Variants in FNDC3A observed in about 807,000 individuals in gnomAD.
FNDC3A encodes fibronectin type-III domain-containing protein 3A.
In FNDC3A, 32 loss-of-function variants were observed where a neutral mutation model predicts 148.9. That is an observed-to-expected ratio of 0.21 (90% confidence interval 0.16 to 0.29). The LOEUF (loss-of-function observed/expected upper bound fraction) is 0.29, where lower values mean the gene tolerates loss of function less well. FNDC3A is among the 10% of genes least tolerant of loss of function. The pLI, the probability that FNDC3A is intolerant of heterozygous loss-of-function variation, is 1.00. For synonymous variants in FNDC3A, 472 were observed against 473.6 expected, an observed-to-expected ratio of 1.00 and a Z score of 0.04; for missense variants, 1,191 against 1,452.8, an observed-to-expected ratio of 0.82 and a Z score of 2.93.
At chr13:49,076,548 G>A (rs937425446) in intron 3 of FNDC3A, among the ~76,000 whole-genome samples, 4 of 151,850 alleles carry the variant, frequency 2.6e-5, no homozygotes, top group South Asian at 2.1e-4. Context: ...CCCAGCTCTC[G>A]GTGAGTACAT....
chr13:49,148,268 T>C (rs146764227), intron 8 of FNDC3A, among the ~76,000 whole-genome samples: 144 of 152,286 alleles, frequency 9.5e-4, no homozygotes, highest in African/African-American at 3.2e-3. Flanking sequence ...TTGGGGGTCT[T>C]AGCATAAAAT....
intron 2 of FNDC3A, among the ~76,000 whole-genome samples, chr13:49,049,285 C>A (rs1174362390): frequency 6.6e-6 from 1 of 151,990 alleles, no homozygotes; most frequent in East Asian, 1.9e-4. Context: ...TTGTTTCGTC[C>A]TTCCCTGGTT....
chr13:49,020,228 A>T (rs1045346763), intron 2 of FNDC3A, among the ~76,000 whole-genome samples: 3 of 152,206 alleles, frequency 2.0e-5, no homozygotes, highest in African/African-American at 7.2e-5. Context: ...TAGGGAAGGA[A>T]AATATTGTAA....
At chr13:49,027,266 A>AG (rs1873782814) in intron 2 of FNDC3A, among the ~76,000 whole-genome samples, 1 of 152,182 alleles carries the variant, frequency 6.6e-6, no homozygotes, top group African/African-American at 2.4e-5. Context: ...CCTTGGTTCT[A>AG]GGTAAGTAAT....
At chr13:49,029,940 CAAGT>C (rs1873986488) in intron 2 of FNDC3A, among the ~76,000 whole-genome samples, 3 of 151,990 alleles carry the variant, frequency 2.0e-5, no homozygotes, top group Admixed American at 2.0e-4. Flanking sequence ...ACACGTATAA[CAAGT>C]AAAGAGATTA....
At chr13:49,206,751 G>C (rs993930270) in intron 25 of FNDC3A, among the ~76,000 whole-genome samples, 2 of 152,142 alleles carry the variant, frequency 1.3e-5, no homozygotes, top group Admixed American at 1.3e-4. Flanking sequence ...TGATTGCATT[G>C]AAAAATGACT....
chr13:49,093,644 C>G (rs758871732), intron 3 of FNDC3A, among the ~76,000 whole-genome samples: 4 of 152,166 alleles, frequency 2.6e-5, no homozygotes, highest in Non-Finnish European at 4.4e-5. Flanking sequence ...TAACAGTTAC[C>G]TTACAGTGAC....
intron 4 of FNDC3A, among the ~76,000 whole-genome samples, chr13:49,116,450 C>T (rs576054615): frequency 2.0e-5 from 3 of 152,236 alleles, no homozygotes; most frequent in East Asian, 3.9e-4. Flanking sequence ...AGACTCATGC[C>T]GCTCTGTGGT....
At chr13:49,098,926 C>G (rs1486048523) in intron 3 of FNDC3A, among the ~76,000 whole-genome samples, 1 of 152,074 alleles carries the variant, frequency 6.6e-6, no homozygotes, top group Non-Finnish European at 1.5e-5. Context: ...CTGTAACTTC[C>G]TTATTCTGTT....
chr13:48,994,668 C>T (rs1951989930), intron 1 of FNDC3A, among the ~76,000 whole-genome samples: 2 of 152,050 alleles, frequency 1.3e-5, no homozygotes, highest in African/African-American at 2.4e-5. Context: ...ATCCCAGCTA[C>T]TCCGGAGGCT....
At chr13:49,029,055 C>G (rs1161219845) in intron 2 of FNDC3A, among the ~76,000 whole-genome samples, 1 of 152,092 alleles carries the variant, frequency 6.6e-6, no homozygotes, top group South Asian at 2.1e-4. Flanking sequence ...CCCACTGCAG[C>G]CTTTGCCTCC....
chr13:49,084,216 A>G (rs1878662123), intron 3 of FNDC3A, among the ~76,000 whole-genome samples: 1 of 152,198 alleles, frequency 6.6e-6, no homozygotes, highest in Admixed American at 6.5e-5. Context: ...ACTTAACTGA[A>G]GTGGAGTATT....
intron 20 of FNDC3A, among the ~76,000 whole-genome samples, chr13:49,197,407 C>T (rs1342688218): frequency 6.6e-6 from 1 of 150,818 alleles, no homozygotes; most frequent in Non-Finnish European, 1.5e-5. Context: ...TGAAATTTAA[C>T]AAAATGTGTG....
intron 1 of FNDC3A, among the ~76,000 whole-genome samples, chr13:48,981,855 T>A (rs1951699142): frequency 6.6e-6 from 1 of 152,110 alleles, no homozygotes; most frequent in Non-Finnish European, 1.5e-5. Context: ...GTGTTGTATC[T>A]GTTTTCTTTC....
At chr13:49,051,903 G>A (rs556312999) in intron 2 of FNDC3A, among the ~76,000 whole-genome samples, 18 of 151,904 alleles carry the variant, frequency 1.2e-4, no homozygotes, top group Non-Finnish European at 2.1e-4. Context: ...GATGGATTGG[G>A]TTAATTCAAA....
intron 2 of FNDC3A, 152 bp downstream of exon 2, chr13:49,006,441 G>T: frequency 3.9e-6 from 2 of 514,342 alleles, no homozygotes; most frequent in Non-Finnish European, 6.9e-6. Context: ...TAAAAATAAT[G>T]AGACTGTTTT....
intron 2 of FNDC3A, among the ~76,000 whole-genome samples, chr13:49,043,783 T>A (rs1207665235): frequency 2.6e-5 from 4 of 152,166 alleles, no homozygotes; most frequent in South Asian, 2.1e-4. Context: ...TCCTTCACAT[T>A]TTCTAATATT....
chr13:49,002,945 A>G (rs903020415), intron 1 of FNDC3A, among the ~76,000 whole-genome samples: 6 of 152,192 alleles, frequency 3.9e-5, no homozygotes, highest in Admixed American at 2.6e-4. Context: ...CATATATTCA[A>G]CCTTGGTAGA....
intron 14 of FNDC3A, among the ~76,000 whole-genome samples, chr13:49,179,958 C>G (rs1011278811): frequency 6.6e-6 from 1 of 152,144 alleles, no homozygotes; most frequent in African/African-American, 2.4e-5. Context: ...TGAGCACCCT[C>G]CCAATGGACA....
Sources: gnomAD v4.1 joint callset for allele counts (sites outside exome capture counted in the v4.1 genomes callset) on GRCh38, gnomAD v4.1.1 for gene constraint, MANE v1.5 for transcripts, NCBI Gene and HGNC (gene_info 2026-07-23, HGNC 2026-07-21) for gene names.